The following PCGF3 variants were observed in gnomAD, a reference collection of about 807,000 sequenced individuals.
The protein encoded by PCGF3 is polycomb group ring finger 3, also known as polycomb group RING finger protein 3.
PCGF3 carries 7 observed loss-of-function variants against 33.1 expected under a neutral mutation model. The ratio of observed to expected loss-of-function variants is 0.21; its 90% CI spans 0.12 to 0.40. PCGF3 has a LOEUF of 0.40. PCGF3 is among the 10% of genes least tolerant of loss of function. The pLI, the probability that PCGF3 is intolerant of heterozygous loss-of-function variation, is 1.00. For synonymous variants in PCGF3, 153 were observed against 121.3 expected, an observed-to-expected ratio of 1.26 and a Z score of -1.72; for missense variants, 211 against 313.3, an observed-to-expected ratio of 0.67 and a Z score of 2.46.
chr4:760,753 C>T (rs1745009357), intron 8 of PCGF3, among the ~76,000 whole-genome samples: 1 of 152,246 alleles, frequency 6.6e-6, no homozygotes, highest in Non-Finnish European at 1.5e-5. Flanking sequence ...GGGCAGGGAG[C>T]CCGTGGCTGC....
intron 6 of PCGF3, among the ~76,000 whole-genome samples, chr4:741,050 C>T (rs1200355591): frequency 6.6e-6 from 1 of 152,194 alleles, no homozygotes; most frequent in Non-Finnish European, 1.5e-5. Context: ...TTGTTGATGG[C>T]AAAGCACCGA....
At chr4:722,039 G>A (rs890025202) in intron 1 of PCGF3, among the ~76,000 whole-genome samples, 1 of 152,134 alleles carries the variant, frequency 6.6e-6, no homozygotes. Flanking sequence ...TGCAGAAACC[G>A]CATCGGAGCA....
intron 8 of PCGF3, among the ~76,000 whole-genome samples, chr4:758,650 TCTC>T (rs1410040373): frequency 1.3e-4 from 14 of 108,828 alleles, no homozygotes; most frequent in Non-Finnish European, 2.1e-4. Flanking sequence ...CCCGAGTTCT[TCTC>T]CTTCCGGACT....
chr4:719,503 G>GC (rs552058474), intron 1 of PCGF3, among the ~76,000 whole-genome samples: 140 of 152,286 alleles, frequency 9.2e-4, no homozygotes, highest in African/African-American at 3.0e-3. Flanking sequence ...GCTGTGAGCC[G>GC]CCCCCCCAGG....
At chr4:722,637 G>C (rs1336292462) in intron 1 of PCGF3, among the ~76,000 whole-genome samples, 1 of 98,928 alleles carries the variant, frequency 1.0e-5, no homozygotes, top group Non-Finnish European at 1.9e-5. Context: ...ATCGCCGTCC[G>C]CGCCGGGTCC....
rs1162161192 is a variant in PCGF3 at position 715,258 on chromosome 4, G to A, written c.-190+9288G>A. On this transcript the variant is annotated intron_variant, in intron 1 of 10. Transcript: ENST00000362003. The stretch of plus-strand genomic sequence containing the variant: ...ACACTGAGTGTGAGAACTGGGTGTC[G>A]GTGCTGGGACCCTGTAGACACTCAA... 5.1e-5 allele frequency among the ~76,000 whole-genome samples: 7 copies of A among 138,494 alleles called. 1 individual carries two copies. The highest frequency in any genetic ancestry group is 2.2e-4 in the Admixed American group (3 of 13,498). The allele number at this position is 138,494 out of a possible 152,430, so 90.9% of individuals were successfully genotyped here.
intron 1 of PCGF3, among the ~76,000 whole-genome samples, chr4:707,681 CT>C (rs1413199480): frequency 1.0e-5 from 1 of 98,534 alleles, no homozygotes. Flanking sequence ...CCTGGGACAG[CT>C]CTGTTTTCCC....
intron 1 of PCGF3, among the ~76,000 whole-genome samples, chr4:723,230 G>A (rs1743192093): frequency 1.3e-5 from 2 of 152,368 alleles, no homozygotes; most frequent in East Asian, 1.9e-4. Flanking sequence ...TGTTCCCTGC[G>A]CATTTCTGAA....
intron 8 of PCGF3, among the ~76,000 whole-genome samples, chr4:752,759 C>T (rs191590925): frequency 1.6e-3 from 242 of 152,354 alleles, no homozygotes; most frequent in Middle Eastern, 0.01. Flanking sequence ...TGAGGCTGGG[C>T]AGACGGGAGG....
chr4:715,940 G>GA, intron 1 of PCGF3, among the ~76,000 whole-genome samples: 1 of 115,356 alleles, frequency 8.7e-6, no homozygotes. Flanking sequence ...TAGACACTGA[G>GA]GGTGAGAACT....
At chr4:726,199 A>G (rs1467770638) in intron 1 of PCGF3, among the ~76,000 whole-genome samples, 3 of 152,182 alleles carry the variant, frequency 2.0e-5, no homozygotes, top group African/African-American at 7.2e-5. Flanking sequence ...TTTAATGTGC[A>G]TTTCCCAGTT....
intron 6 of PCGF3, among the ~76,000 whole-genome samples, chr4:741,444 G>T (rs982971302): frequency 2.0e-5 from 3 of 152,154 alleles, no homozygotes; most frequent in African/African-American, 7.2e-5. Flanking sequence ...TTTTGCTCTT[G>T]TTGCCCAGGC....
chr4:716,197 T>TG (rs1742828072), intron 1 of PCGF3, among the ~76,000 whole-genome samples: 3 of 115,358 alleles, frequency 2.6e-5, no homozygotes, highest in East Asian at 3.0e-4. Context: ...CTGTAGACAC[T>TG]TAGTGTGAGA....
At position 740,200 on chromosome 4, in the gene PCGF3, G is replaced by A. The variant is rs558648576; in HGVS notation, c.262+2679G>A. Among the ~76,000 whole-genome samples the A allele has an allele frequency of 2.2e-4, 33 of 152,334 alleles. No homozygotes were observed. In the South Asian group the frequency reaches 5.6e-3, roughly 26 times the overall value. On this transcript the variant is annotated intron_variant, in intron 6 of 10. Coordinates refer to ENST00000362003, the Ensembl canonical transcript of PCGF3. ...GAGGTGTCAGCCCTTGAGGGTCCAG[G>A]TGTCTGTTTTGGAGGAGACGCCAAC...
At chr4:743,259 G>A (rs1048186846) in intron 6 of PCGF3, among the ~76,000 whole-genome samples, 3 of 152,204 alleles carry the variant, frequency 2.0e-5, no homozygotes, top group African/African-American at 4.8e-5. Flanking sequence ...GCGACTCAAC[G>A]TCCCACGTGG....
chr4:766,225 C>CTTTT, exon 11 of PCGF3: 1 of 645,112 alleles, frequency 1.6e-6, no homozygotes, highest in South Asian at 1.8e-5. Context: ...AGAGAATTCA[C>CTTTT]ACTCAACAAG....
chr4:723,320 G>A (rs1266240717), intron 1 of PCGF3, among the ~76,000 whole-genome samples: 1 of 152,232 alleles, frequency 6.6e-6, no homozygotes, highest in African/African-American at 2.4e-5. Context: ...GGTGCATTTC[G>A]GAGGCTAGAA....
chr4:756,780 C>G (rs1003474795), intron 8 of PCGF3, among the ~76,000 whole-genome samples: 1 of 152,178 alleles, frequency 6.6e-6, no homozygotes. Flanking sequence ...ATTAAACACT[C>G]ACTCCCCACC....
At chr4:719,371 G>A (rs1050906280) in intron 1 of PCGF3, among the ~76,000 whole-genome samples, 1 of 152,240 alleles carries the variant, frequency 6.6e-6, no homozygotes, top group African/African-American at 2.4e-5. Context: ...AGTGCTTGGT[G>A]TGGTTCTGTG....
Sources: gnomAD v4.1 joint callset for allele counts (sites outside exome capture counted in the v4.1 genomes callset) on GRCh38, gnomAD v4.1.1 for gene constraint, MANE v1.5 for transcripts, NCBI Gene and HGNC (gene_info 2026-07-23, HGNC 2026-07-21) for gene names.